Variants in PALM2AKAP2 observed in about 807,000 individuals in gnomAD.
The protein encoded by PALM2AKAP2 is PALM2 and AKAP2 fusion, also known as PALM2-AKAP2 fusion protein.
PALM2AKAP2 carries 37 observed loss-of-function variants against 71.5 expected under a neutral mutation model. The ratio of observed to expected loss-of-function variants is 0.52; its 90% confidence interval spans 0.40 to 0.68. The LOEUF (loss-of-function observed/expected upper bound fraction) is 0.68, where lower values mean the gene tolerates loss of function less well. Among genes scored for constraint, PALM2AKAP2 ranks in the 30% least tolerant of loss-of-function variants. The pLI is 0.00. For missense variants in PALM2AKAP2, 1,224 were observed against 1,191.8 expected (o/e 1.03, Z -0.40); for synonymous variants, 468 against 478.8 (o/e 0.98, Z 0.29).
At chr9:109,727,976 C>T (rs1828499739) in intron 1 of PALM2AKAP2, among the ~76,000 whole-genome samples, 1 of 152,284 alleles carries the variant, frequency 6.6e-6, no homozygotes, top group Middle Eastern at 3.4e-3. Context: ...CCTCTTGGGC[C>T]TCCGCAAAGG....
intron 3 of PALM2AKAP2, among the ~76,000 whole-genome samples, chr9:109,915,007 C>A (rs549924507): frequency 6.6e-6 from 1 of 152,192 alleles, no homozygotes; most frequent in African/African-American, 2.4e-5. Context: ...GCTCTTTCTA[C>A]CACCTCCTAC....
At chr9:109,754,263 A>G (rs1828925928) in intron 1 of PALM2AKAP2, among the ~76,000 whole-genome samples, 1 of 152,200 alleles carries the variant, frequency 6.6e-6, no homozygotes, top group Non-Finnish European at 1.5e-5. Context: ...GGAAATGAGC[A>G]GGACTACAAA....
At chr9:110,154,963 C>T (rs1004928339) in intron 2 of PALM2AKAP2, among the ~76,000 whole-genome samples, 9 of 152,176 alleles carry the variant, frequency 5.9e-5, no homozygotes, top group South Asian at 2.1e-4. Context: ...GATCAGCCCA[C>T]GATTGAAATG....
intron 2 of PALM2AKAP2, among the ~76,000 whole-genome samples, chr9:109,872,720 G>A (rs1829633499): frequency 6.6e-6 from 1 of 152,214 alleles, no homozygotes; most frequent in African/African-American, 2.4e-5. Context: ...GTCATTTGCT[G>A]AAGAGCCTGA....
At chr9:109,902,213 G>A (rs922232858) in intron 3 of PALM2AKAP2, among the ~76,000 whole-genome samples, 2 of 152,168 alleles carry the variant, frequency 1.3e-5, no homozygotes, top group Non-Finnish European at 2.9e-5. Context: ...TCAATGATAT[G>A]TATCTCATTT....
chr9:109,953,009 G>T (rs1831673085), intron 6 of PALM2AKAP2, among the ~76,000 whole-genome samples: 1 of 152,192 alleles, frequency 6.6e-6, no homozygotes, highest in African/African-American at 2.4e-5. Context: ...CAAATATAGA[G>T]ATTATAAGCT....
intron 7 of PALM2AKAP2, among the ~76,000 whole-genome samples, chr9:110,017,729 CT>C (rs11344725): frequency 0.28 from 12,077 of 42,662 alleles, 1,597 homozygotes; most frequent in African/African-American, 0.52. Flanking sequence ...CGGCATATTC[CT>C]TTTTTTTTTT....
At chr9:110,074,293 T>C (rs1217979369) in intron 1 of PALM2AKAP2, among the ~76,000 whole-genome samples, 2 of 152,060 alleles carry the variant, frequency 1.3e-5, no homozygotes, top group African/African-American at 4.8e-5. Flanking sequence ...TTGAGGCCAG[T>C]CTAGGCAATA....
chr9:109,907,891 C>T (rs1047081463), intron 3 of PALM2AKAP2, among the ~76,000 whole-genome samples: 3 of 152,196 alleles, frequency 2.0e-5, no homozygotes, highest in Non-Finnish European at 4.4e-5. Context: ...CACCCCATGC[C>T]GACCTCCTTC....
In PALM2AKAP2 at chr9:110,136,620, CAGAA is replaced by C. The variant is rs1415718761; in HGVS notation, c.655_658del (p.Arg219GlnfsTer43). The C allele has an allele frequency of 6.2e-7, 1 of 1,613,898 alleles. No individual in the cohort carries two copies. The highest frequency in any genetic ancestry group is 8.5e-7 in the Non-Finnish European group (1 of 1,180,032). ...AGCAGCCCTGACCCCATGGCAGAGG[CAGAA>C]AGAACAAATGGCCATTCCCCCAGCC... On this transcript the variant is annotated frameshift_variant, in exon 2 of 4. Transcript: ENST00000374525. LOFTEE classifies it high-confidence loss of function.
At chr9:110,136,632 A>G in exon 2 of PALM2AKAP2, 5 of 1,614,040 alleles carry the variant, frequency 3.1e-6, no homozygotes, top group Non-Finnish European at 4.2e-6. Context: ...GAAAGAACAA[A>G]TGGCCATTCC....
intron 3 of PALM2AKAP2, among the ~76,000 whole-genome samples, chr9:109,898,161 AAAAG>A (rs1415795749): frequency 6.6e-6 from 1 of 152,218 alleles, no homozygotes; most frequent in East Asian, 1.9e-4. Context: ...TTTAAGAAAA[AAAAG>A]AAAGAATGAA....
intron 1 of PALM2AKAP2, among the ~76,000 whole-genome samples, chr9:109,782,137 GC>G (rs1475709893): frequency 6.6e-6 from 1 of 152,228 alleles, no homozygotes. Flanking sequence ...CAAACATGGA[GC>G]CAGTAGCTGC....
intron 6 of PALM2AKAP2, among the ~76,000 whole-genome samples, chr9:110,014,808 A>T (rs1476602021): frequency 2.4e-4 from 1 of 4,192 alleles, no homozygotes; most frequent in African/African-American, 5.2e-4. Context: ...AAAAAAATGT[A>T]TATATATATA....
exon 1 of PALM2AKAP2, chr9:109,640,841 A>C: frequency 6.6e-7 from 1 of 1,515,424 alleles, no homozygotes; most frequent in Admixed American, 2.0e-5. Flanking sequence ...GCAGCAGCGC[A>C]CCCGGCCGCG....
intron 1 of PALM2AKAP2, among the ~76,000 whole-genome samples, chr9:109,844,070 C>T (rs1828783723): frequency 6.6e-6 from 1 of 152,216 alleles, no homozygotes; most frequent in Admixed American, 6.5e-5. Context: ...GATATGATTG[C>T]TCCTCTTGCA....
chr9:109,736,152 G>GTTTTTGTC lies in PALM2AKAP2; in HGVS notation c.6-44333_6-44326dup, dbSNP rs1282848368. On this transcript the variant is annotated intron_variant, in intron 1 of 6. Transcript: ENST00000374531. Reference sequence around the variant, plus strand: ...CACAACGACGGTTAAAATCCCCTGTGTTTTTGTCTTGCGTTTGTATATTTA... The same window carrying GTTTTTGTC: ...CACAACGACGGTTAAAATCCCCTGTGTTTTTGTCTTTTTGTCTTGCGTTTGTATATTTA... Among the ~76,000 whole-genome samples, 4 of 152,192 alleles carry GTTTTTGTC rather than the reference G, an allele frequency of 2.6e-5. No homozygotes were observed. The East Asian group carries it at 7.7e-4, about 29-fold the overall frequency.
Position 110,050,937 on chromosome 9 carries a change from C to A in PALM2AKAP2, c.156+2082C>A, listed in dbSNP as rs191900340. On this transcript the variant is annotated intron_variant, in intron 1 of 3. Transcript: ENST00000374525. The stretch of plus-strand genomic sequence containing the variant: ...GCCACCACACCCGGCCTGGCCCTTT[C>A]CTTAAAGGGCATCTTCTCCTTTGAG... Among the ~76,000 whole-genome samples the A allele has an allele frequency of 1.5e-3, 235 of 152,282 alleles. 5 individuals are homozygous for A. In the South Asian group the frequency reaches 0.021, roughly 13 times the overall value.
intron 3 of PALM2AKAP2, among the ~76,000 whole-genome samples, chr9:109,899,017 T>G (rs1830270383): frequency 6.6e-6 from 1 of 152,208 alleles, no homozygotes; most frequent in Non-Finnish European, 1.5e-5. Flanking sequence ...TGGGGCTCCT[T>G]TCTTCACTTC....
Sources: gnomAD v4.1 joint callset for allele counts (sites outside exome capture counted in the v4.1 genomes callset) on GRCh38, gnomAD v4.1.1 for gene constraint, MANE v1.5 for transcripts, NCBI Gene and HGNC (gene_info 2026-07-23, HGNC 2026-07-21) for gene names.